Variants in PLCE1 observed in about 807,000 individuals in gnomAD.
PLCE1 encodes the protein phospholipase C epsilon 1.
A neutral mutation model predicts 242.8 loss-of-function variants in PLCE1; 119 were observed. The observed-to-expected ratio is 0.49, with a 90% CI of 0.42 to 0.57. PLCE1 has a LOEUF of 0.57. Ranked by LOEUF, PLCE1 falls within the 20% of genes least tolerant of loss-of-function variation. The pLI is 0.00. For synonymous variants in PLCE1, 945 were observed against 1,017.4 expected, an observed-to-expected ratio of 0.93 and a Z score of 1.35; for missense variants, 2,441 against 2,788.8, an observed-to-expected ratio of 0.88 and a Z score of 2.81.
intron 2 of PLCE1, among the ~76,000 whole-genome samples, chr10:94,063,027 T>C (rs1454543024): frequency 6.6e-6 from 1 of 152,114 alleles, no homozygotes; most frequent in Non-Finnish European, 1.5e-5. Context: ...TGTCCAAGCC[T>C]CCCTTCCTGT....
chr10:94,200,909 A>G lies in PLCE1; in HGVS notation c.1810-26397A>G, dbSNP rs181734505. Among the ~76,000 whole-genome samples the G allele has an allele frequency of 2.2e-3, 335 of 152,330 alleles. 1 individual carries two copies. The highest frequency in any genetic ancestry group is 3.9e-3 in the Non-Finnish European group (266 of 68,032). Reference sequence around the variant, plus strand: ...CCAAGTTAAGGGGATTCTGCAAAATACATGACCAGTAATTCTCAAAAATGT... The same window carrying G: ...CCAAGTTAAGGGGATTCTGCAAAATGCATGACCAGTAATTCTCAAAAATGT... On this transcript the variant is annotated intron_variant, in intron 4 of 32. Coordinates refer to ENST00000371380, the MANE Select transcript of PLCE1 (RefSeq NM_016341.4).
At chr10:94,323,455 C>T (rs1424011079) in intron 30 of PLCE1, among the ~76,000 whole-genome samples, 1 of 152,080 alleles carries the variant, frequency 6.6e-6, no homozygotes. Context: ...AGATAAAAGC[C>T]CTTATTTATT....
At chr10:94,071,494 C>CA (rs2044351149) in intron 2 of PLCE1, among the ~76,000 whole-genome samples, 1 of 69,212 alleles carries the variant, frequency 1.4e-5, no homozygotes. Context: ...GTTTGGTTTT[C>CA]GTTTTTTTTT....
chr10:94,158,376 C>G (rs1469138033), intron 3 of PLCE1, among the ~76,000 whole-genome samples: 1 of 152,146 alleles, frequency 6.6e-6, no homozygotes, highest in Non-Finnish European at 1.5e-5. Context: ...TTATAACTTA[C>G]TGTGTGAATT....
At position 94,316,662 on chromosome 10, in the gene PLCE1, C is replaced by T. The variant is rs774292214; in HGVS notation, c.6248C>T (p.Ala2083Val). 1 of 1,612,928 alleles carries T rather than the reference C, an allele frequency of 6.2e-7. No individual in the cohort carries two copies. The highest frequency in any genetic ancestry group is 8.5e-7 in the Non-Finnish European group (1 of 1,178,982). ...NECRKQPFQR[A>V]IGPEEEIMQI... Reference sequence around the variant, plus strand: ...TGTAGGAAACAACCATTCCAGAGAGCCATTGGTCCAGAAGAGGAGATCATG... The same window carrying T: ...TGTAGGAAACAACCATTCCAGAGAGTCATTGGTCCAGAAGAGGAGATCATG... The change falls in exon 29 of 33, where the codon GCC becomes GTC. Residue 2083 changes from alanine to valine, a missense_variant. By Grantham distance (64) the Ala-to-Val change is moderately conservative. Coordinates refer to ENST00000371380, the MANE Select transcript of PLCE1 (RefSeq NM_016341.4).
chr10:93,997,085 C>T (rs1469414317), intron 1 of PLCE1, among the ~76,000 whole-genome samples: 1 of 152,168 alleles, frequency 6.6e-6, no homozygotes, highest in Non-Finnish European at 1.5e-5. Context: ...ACTCCAAGAA[C>T]TTTTATCAAT....
intron 25 of PLCE1, among the ~76,000 whole-genome samples, chr10:94,305,622 G>A (rs1213649630): frequency 6.6e-6 from 1 of 152,194 alleles, no homozygotes; most frequent in Non-Finnish European, 1.5e-5. Context: ...CAGCAGGGCA[G>A]TAGCCCCTTT....
intron 2 of PLCE1, among the ~76,000 whole-genome samples, chr10:94,047,790 C>T (rs1475744219): frequency 1.3e-5 from 2 of 152,148 alleles, no homozygotes; most frequent in African/African-American, 4.8e-5. Context: ...TTGACCACCC[C>T]AAACCTCTAC....
chr10:94,267,014 G>A (rs2051544861), intron 16 of PLCE1, among the ~76,000 whole-genome samples: 1 of 152,122 alleles, frequency 6.6e-6, no homozygotes, highest in African/African-American at 2.4e-5. Flanking sequence ...TTCAGGTAAT[G>A]TACTACTCCT....
At chr10:94,221,893 T>C (rs542995447) in intron 4 of PLCE1, among the ~76,000 whole-genome samples, 9 of 152,336 alleles carry the variant, frequency 5.9e-5, no homozygotes, top group African/African-American at 2.2e-4. Flanking sequence ...CTTGGCATTT[T>C]CAAGAAACTT....
intron 25 of PLCE1, among the ~76,000 whole-genome samples, chr10:94,304,884 G>A (rs1303024381): frequency 6.6e-6 from 1 of 152,180 alleles, no homozygotes; most frequent in African/African-American, 2.4e-5. Context: ...TGTTTCACCT[G>A]ATGTTCTGAT....
intron 20 of PLCE1, 169 bp downstream of exon 20, chr10:94,280,080 G>A: frequency 1.4e-6 from 1 of 694,678 alleles, no homozygotes; most frequent in South Asian, 1.7e-5. Context: ...GGAAGGAGGG[G>A]ATTCTGTTAG....
intron 4 of PLCE1, among the ~76,000 whole-genome samples, chr10:94,179,530 T>TTTTTTTTTTTTTTTTTTTTTTGA (rs10636243): frequency 2.5e-5 from 3 of 118,824 alleles, no homozygotes; most frequent in East Asian, 2.6e-4. Flanking sequence ...TTTTTTTTTT[T>TTTTTTTTTTTTTTTTTTTTTTGA]GACAGGGTCT....
intron 3 of PLCE1, chr10:94,138,081 G>A (rs1303210492): frequency 3.1e-5 from 11 of 357,188 alleles, no homozygotes; most frequent in South Asian, 2.1e-4. Context: ...TCTGTGGGCG[G>A]CTCTGTGGCA....
At chr10:94,207,433 T>C (rs191079050) in intron 4 of PLCE1, among the ~76,000 whole-genome samples, 49 of 152,160 alleles carry the variant, frequency 3.2e-4, no homozygotes, top group African/African-American at 1.1e-3. Flanking sequence ...AACTTTGAGG[T>C]GTTAAATTTG....
chr10:94,025,040 G>A (rs1381415171), intron 1 of PLCE1, among the ~76,000 whole-genome samples: 2 of 152,066 alleles, frequency 1.3e-5, no homozygotes, highest in African/African-American at 4.8e-5. Flanking sequence ...CCCGGAAACA[G>A]GCAGTCAGGT....
intron 2 of PLCE1, among the ~76,000 whole-genome samples, chr10:94,061,780 A>G (rs1209140910): frequency 6.6e-6 from 1 of 152,188 alleles, no homozygotes; most frequent in Non-Finnish European, 1.5e-5. Flanking sequence ...GTTTTATCCA[A>G]TATATTTAAA....
Position 94,234,246 on chromosome 10 carries a change from G to T in PLCE1, c.2148G>T (p.Val716=), listed in dbSNP as rs1174529459. 9.9e-6 allele frequency: 16 copies of T among 1,614,088 alleles called. No homozygotes were observed. The highest frequency in any genetic ancestry group is 1.4e-5 in the Non-Finnish European group (16 of 1,180,000). The change falls in exon 6 of 33, where the codon GTG becomes GTT. Residue 716 remains valine, a synonymous_variant. Transcript: ENST00000371380. ...CGVFLKELCE[V]LDGASGLMKL... ...TGTTTCTGAAGGAGCTCTGTGAAGT[G>T]CTTGACGGCGCCTCCGGTCTCATGA...
chr10:94,221,096 C>T lies in PLCE1; in HGVS notation c.1810-6210C>T, dbSNP rs532469027. 1.4e-4 allele frequency among the ~76,000 whole-genome samples: 22 copies of T among 152,282 alleles called. 1 individual carries two copies. In the South Asian group the frequency reaches 4.4e-3, roughly 30 times the overall value. On this transcript the variant is annotated intron_variant, in intron 4 of 32. Coordinates refer to ENST00000371380, the MANE Select transcript of PLCE1 (RefSeq NM_016341.4). Reference sequence around the variant, plus strand: ...GGGGTGCAGAAAAAGGTCACTAAGCCCCTGGGTGAGTTCTCAAACTCCAGC... The same window carrying T: ...GGGGTGCAGAAAAAGGTCACTAAGCTCCTGGGTGAGTTCTCAAACTCCAGC...
Sources: allele counts gnomAD v4.1 joint callset (sites outside exome capture counted in the v4.1 genomes callset), GRCh38; gene constraint gnomAD v4.1.1; transcripts MANE v1.5; gene names NCBI Gene and HGNC (gene_info 2026-07-23, HGNC 2026-07-21).